Variants in LRRC59 observed in about 807,000 individuals in gnomAD.
LRRC59 encodes leucine rich repeat containing 59, also known as leucine-rich repeat-containing protein 59.
A neutral mutation model predicts 33.5 loss-of-function variants in LRRC59; 18 were observed. The ratio of observed to expected loss-of-function variants is 0.54; its 90% CI spans 0.37 to 0.80. The LOEUF (loss-of-function observed/expected upper bound fraction) is 0.80, where lower values mean the gene tolerates loss of function less well. Among genes scored for constraint, LRRC59 ranks in the 30% least tolerant of loss-of-function variants. LRRC59 has a pLI of 0.00. For synonymous variants in LRRC59, 138 were observed against 160.0 expected (o/e 0.86, Z 1.04); for missense variants, 330 against 391.9 (o/e 0.84, Z 1.33).
intron 5 of LRRC59, 142 bp from the exon 6 acceptor site, chr17:50,385,433 A>G: frequency 1.1e-6 from 1 of 927,646 alleles, no homozygotes; most frequent in Non-Finnish European, 1.6e-6. Flanking sequence ...GGAAACAGCC[A>G]TCCTTCTGCT....
chr17:50,388,239 T>C, intron 4 of LRRC59, 107 bp from the exon 5 acceptor site: 3 of 1,024,598 alleles, frequency 2.9e-6, no homozygotes, highest in South Asian at 1.3e-5. Flanking sequence ...GGTAGCAATG[T>C]AGAACTAATA....
chr17:50,386,945 G>GT (rs1448353734), intron 5 of LRRC59, among the ~76,000 whole-genome samples: 1 of 152,140 alleles, frequency 6.6e-6, no homozygotes, highest in African/African-American at 2.4e-5. Flanking sequence ...ACAGGTGAAC[G>GT]TAACAATGAC....
intron 5 of LRRC59, among the ~76,000 whole-genome samples, chr17:50,386,697 G>A (rs901101310): frequency 1.3e-5 from 2 of 152,152 alleles, no homozygotes; most frequent in African/African-American, 2.4e-5. Flanking sequence ...GTGGCCATGC[G>A]TAATAAGGGA....
Position 50,388,139 on chromosome 17 carries a change from AG to A in LRRC59, c.430-8del. ...CCTTCATGTGCTGTAACACCTGCAA[AG>A]GAAAAGGAGGAAAGTAGTGCTCTTC... On this transcript the variant is annotated splice_region_variant and splice_polypyrimidine_tract_variant and intron_variant, in intron 4 of 6. Transcript: ENST00000225972. The A allele has an allele frequency of 6.2e-7, 1 of 1,613,942 alleles. No individual in the cohort carries two copies. The highest frequency in any genetic ancestry group is 1.3e-5 in the African/African-American group (1 of 75,044).
At chr17:50,391,451 C>T (rs1914141768) in intron 4 of LRRC59, among the ~76,000 whole-genome samples, 1 of 152,238 alleles carries the variant, frequency 6.6e-6, no homozygotes, top group African/African-American at 2.4e-5. Context: ...GTTCAACATG[C>T]ACCTTAAACA....
rs1000517690 is a variant in LRRC59, at chr17:50,397,508, C to A, written c.-191G>T. 4.6e-5 allele frequency: 23 copies of A among 501,892 alleles called. No homozygotes were observed. The Admixed American group carries it at 9.0e-4, about 20-fold the overall frequency. The allele number at this position is 501,892 out of a possible 1,614,324, so 31.1% of individuals were successfully genotyped here. On this transcript the variant is annotated 5_prime_UTR_variant, in exon 1 of 7. Coordinates refer to ENST00000225972, the MANE Select transcript of LRRC59 (RefSeq NM_018509.4). ...CGCCTAGCTCCCACCGGTGCCGCGA[C>A]GACGACCACTTCCGTGTCCACGTCA...
At chr17:50,386,159 G>A (rs975626673) in intron 5 of LRRC59, 11 of 151,684 alleles carry the variant, frequency 7.3e-5, no homozygotes, top group African/African-American at 2.7e-4. Context: ...GGCTAGTCAA[G>A]TGAAGCAGTG....
chr17:50,392,438 T>C lies in LRRC59; in HGVS notation c.389A>G (p.Asp130Gly), dbSNP rs761739825. 2 of 1,614,158 alleles carry C rather than the reference T, an allele frequency of 1.2e-6. No individual in the cohort carries two copies. The highest frequency in any genetic ancestry group is 3.3e-5 in the Admixed American group (2 of 60,016). ...LDPVLAKVAGDCLDEKQCKQC... is the reference protein window; with the variant it reads ...LDPVLAKVAGGCLDEKQCKQC... ...CTTACACTGCTTCTCATCCAAGCAG[T>C]CACCTGCCACCTTGGCCAGGACAGG... is the stretch of plus-strand genomic sequence containing the variant. The change falls in exon 4 of 7, where the codon GAC (aspartate) becomes GGC (glycine). Residue 130 changes from aspartate to glycine, a missense_variant. Coordinates refer to ENST00000225972, the MANE Select transcript of LRRC59 (RefSeq NM_018509.4).
intron 2 of LRRC59, 24 bp from the exon 3 acceptor site, chr17:50,392,921 A>C (rs886430490): frequency 6.2e-7 from 1 of 1,604,510 alleles, no homozygotes; most frequent in African/African-American, 1.3e-5. Context: ...AGAGAACCTA[A>C]GCTAGGCTTG....
At chr17:50,394,264 T>C (rs1914219178) in intron 2 of LRRC59, among the ~76,000 whole-genome samples, 1 of 152,118 alleles carries the variant, frequency 6.6e-6, no homozygotes, top group Non-Finnish European at 1.5e-5. Flanking sequence ...GAAGTGGCAA[T>C]AGCACACTTA....
chr17:50,387,971 A>G, intron 5 of LRRC59, 89 bp downstream of exon 5: 3 of 1,287,824 alleles, frequency 2.3e-6, no homozygotes, highest in South Asian at 2.4e-5. Flanking sequence ...CTTCATGACT[A>G]CTCTACTGGA....
intron 5 of LRRC59, among the ~76,000 whole-genome samples, chr17:50,387,059 A>T (rs776331835): frequency 6.6e-6 from 1 of 152,166 alleles, no homozygotes; most frequent in Non-Finnish European, 1.5e-5. Context: ...CGGAGGTTGC[A>T]GTGAGCCGAG....
chr17:50,386,818 A>G (rs1914015392), intron 5 of LRRC59, among the ~76,000 whole-genome samples: 1 of 152,252 alleles, frequency 6.6e-6, no homozygotes, highest in African/African-American at 2.4e-5. Context: ...TCAGCCAGCC[A>G]GTCAACAGAG....
chr17:50,391,008 A>G (rs781489037), intron 4 of LRRC59, among the ~76,000 whole-genome samples: 2 of 152,212 alleles, frequency 1.3e-5, no homozygotes, highest in African/African-American at 2.4e-5. Flanking sequence ...TACTGAATGA[A>G]TGGATGGATG....
intron 6 of LRRC59, among the ~76,000 whole-genome samples, chr17:50,383,480 G>A (rs1276992295): frequency 6.6e-6 from 1 of 152,150 alleles, no homozygotes; most frequent in East Asian, 1.9e-4. Context: ...ACAGCCCTCA[G>A]GGTCCTAAGT....
At chr17:50,393,148 G>A (rs1914189955) in intron 2 of LRRC59, among the ~76,000 whole-genome samples, 1 of 152,296 alleles carries the variant, frequency 6.6e-6, no homozygotes, top group African/African-American at 2.4e-5. Flanking sequence ...GTAACAGTCT[G>A]GAAGCCCTCA....
At position 50,382,766 on chromosome 17, in the gene LRRC59, CCCCCCACG is replaced by C; in HGVS notation, c.*214_*221del. ...ACTCCTTTAGGCATGCAGGTAACTG[CCCCCCACG>C]CCCCCCCGCCACCTCCCATTTCTCC... On this transcript the variant is annotated 3_prime_UTR_variant, in exon 7 of 7. Coordinates refer to ENST00000225972, the MANE Select transcript of LRRC59 (RefSeq NM_018509.4). The C allele has an allele frequency of 2.1e-6, 1 of 476,658 alleles. No individual in the cohort carries two copies. The allele number at this position is 476,658 out of a possible 1,614,324, so 29.5% of individuals were successfully genotyped here.
chr17:50,396,647 G>T (rs1444831180), intron 1 of LRRC59: 1 of 153,118 alleles, frequency 6.5e-6, no homozygotes, highest in Non-Finnish European at 1.5e-5. Context: ...GGAAAGGTTG[G>T]GGGAGAGAGG....
intron 4 of LRRC59, 70 bp downstream of exon 4, chr17:50,392,328 G>C: frequency 7.8e-7 from 1 of 1,283,746 alleles, no homozygotes; most frequent in Admixed American, 1.7e-5. Context: ...TGCCCTAGGA[G>C]GGAAAAACAG....
Sources: allele counts gnomAD v4.1 joint callset (sites outside exome capture counted in the v4.1 genomes callset), GRCh38; gene constraint gnomAD v4.1.1; transcripts MANE v1.5; gene names NCBI Gene and HGNC (gene_info 2026-07-23, HGNC 2026-07-21).